ATG5: variants seen among roughly 807,000 people sequenced by gnomAD.
ATG5 encodes autophagy protein 5.
A neutral mutation model predicts 36.5 loss-of-function variants in ATG5; 14 were observed. The ratio of observed to expected loss-of-function variants is 0.38; its 90% CI spans 0.25 to 0.60. The LOEUF is 0.60. Among genes scored for constraint, ATG5 ranks in the 20% least tolerant of loss-of-function variants. The pLI, the probability that ATG5 is intolerant of heterozygous loss-of-function variation, is 0.60. For missense variants in ATG5, 195 were observed against 326.7 expected, an observed-to-expected ratio of 0.60 and a Z score of 3.11; for synonymous variants, 95 against 101.5, an observed-to-expected ratio of 0.94 and a Z score of 0.38.
chr6:106,324,624 A>G (rs1771221769), intron 1 of ATG5, among the ~76,000 whole-genome samples: 2 of 152,186 alleles, frequency 1.3e-5, no homozygotes, highest in African/African-American at 4.8e-5. Flanking sequence ...ATAAATACAC[A>G]CTTGAGGTGT....
chr6:106,284,506 C>T (rs1275175434), intron 4 of ATG5, among the ~76,000 whole-genome samples: 2 of 152,164 alleles, frequency 1.3e-5, no homozygotes, highest in African/African-American at 2.4e-5. Flanking sequence ...CATGCCACCA[C>T]ACCAGGCTAT....
chr6:106,292,819 C>T (rs1780368816), intron 4 of ATG5, among the ~76,000 whole-genome samples: 1 of 152,094 alleles, frequency 6.6e-6, no homozygotes, highest in African/African-American at 2.4e-5. Context: ...TAAAGAAAAG[C>T]AGTTCATATA....
At chr6:106,241,797 C>CA (rs1319305925) in intron 6 of ATG5, among the ~76,000 whole-genome samples, 15 of 152,126 alleles carry the variant, frequency 9.9e-5, no homozygotes, top group Admixed American at 9.8e-4. Context: ...TTCCTTGAGT[C>CA]AACAGCCCAT....
chr6:106,319,799 T>C (rs1397820758), intron 1 of ATG5, among the ~76,000 whole-genome samples: 2 of 152,234 alleles, frequency 1.3e-5, no homozygotes, highest in Non-Finnish European at 2.9e-5. Context: ...CCTCTGATAC[T>C]TGGAATGGTA....
intron 6 of ATG5, among the ~76,000 whole-genome samples, chr6:106,206,917 T>C (rs905073482): frequency 6.6e-6 from 1 of 152,234 alleles, no homozygotes; most frequent in Non-Finnish European, 1.5e-5. Flanking sequence ...GCTGTAAACG[T>C]TGATTTAGTA....
intron 7 of ATG5, among the ~76,000 whole-genome samples, chr6:106,193,450 CTG>C (rs779233954): frequency 6.6e-6 from 1 of 152,022 alleles, no homozygotes; most frequent in Non-Finnish European, 1.5e-5. Flanking sequence ...CTTATAATCT[CTG>C]TATTTCTTAG....
At chr6:106,306,143 C>CT (rs916592104) in intron 3 of ATG5, among the ~76,000 whole-genome samples, 35 of 152,276 alleles carry the variant, frequency 2.3e-4, no homozygotes, top group African/African-American at 7.7e-4. Flanking sequence ...GAACTCCACT[C>CT]TTTAATAAAA....
chr6:106,196,362 T>C (rs1353720716), intron 7 of ATG5, among the ~76,000 whole-genome samples: 1 of 152,008 alleles, frequency 6.6e-6, no homozygotes, highest in South Asian at 2.1e-4. Context: ...GGCAGCATAG[T>C]AAAGTGGAAA....
intron 2 of ATG5, among the ~76,000 whole-genome samples, chr6:106,315,635 A>C (rs1770816546): frequency 6.6e-6 from 1 of 152,150 alleles, no homozygotes; most frequent in Admixed American, 6.5e-5. Flanking sequence ...GCATGTTTAT[A>C]TGTTCTTTAA....
intron 3 of ATG5, among the ~76,000 whole-genome samples, chr6:106,307,534 CCTTTT>C (rs1562267902): frequency 3.6e-5 from 5 of 139,022 alleles, no homozygotes; most frequent in Admixed American, 7.4e-5. Flanking sequence ...ATTTCAATAC[CCTTTT>C]TTTTTTTTTT....
intron 6 of ATG5, among the ~76,000 whole-genome samples, chr6:106,246,388 TCTCTCACACACACA>T (rs1365340375): frequency 2.1e-5 from 2 of 95,492 alleles, no homozygotes; most frequent in Non-Finnish European, 4.0e-5. Flanking sequence ...TCTCTCTCTC[TCTCTCACACACACA>T]CACACACACA....
rs754018607 is a variant in ATG5, at chr6:106,202,138, G to T, written c.574-49C>A. 1.1e-5 allele frequency: 16 copies of T among 1,424,382 alleles called. No homozygotes were observed. The Admixed American group carries it at 2.0e-4, about 18-fold the overall frequency. The allele number at this position is 1,424,382 out of a possible 1,614,324, so 88.2% of individuals were successfully genotyped here. On this transcript the variant is annotated intron_variant, in intron 6 of 7. Transcript: ENST00000369076. ...TTCAAGCAATTAAGTCTTTGTTGCT[G>T]CCAATTACAAATTTATATATCATAA...
rs560127189 is a variant in ATG5, at chr6:106,303,828, G to C, written c.236+4536C>G. Among the ~76,000 whole-genome samples the C allele has an allele frequency of 5.3e-5, 8 of 152,200 alleles. No homozygotes were observed. The South Asian group carries it at 1.7e-3, about 32-fold the overall frequency. ...GTGATACAATCATATAATTAGCACAGAAAAGGCATCTGACAAAATCCAACA... is the reference window on the plus strand; with the variant it reads ...GTGATACAATCATATAATTAGCACACAAAAGGCATCTGACAAAATCCAACA... On this transcript the variant is annotated intron_variant, in intron 3 of 7. Transcript: ENST00000369076.
In ATG5 at chr6:106,308,495, A is replaced by G; in HGVS notation, c.109-4T>C. 6.5e-7 allele frequency: 1 copy of G among 1,546,752 alleles called. No homozygotes were observed. The highest frequency in any genetic ancestry group is 8.7e-7 in the Non-Finnish European group (1 of 1,149,802). On this transcript the variant is annotated splice_polypyrimidine_tract_variant and splice_region_variant and intron_variant, in intron 2 of 7. Transcript: ENST00000369076. Reference sequence around the variant, plus strand: ...AACTTACTCTTGGCAAAAGCAACTGAAATGAAAATTTGTAAAACCGTATTT... The same window carrying G: ...AACTTACTCTTGGCAAAAGCAACTGGAATGAAAATTTGTAAAACCGTATTT...
chr6:106,202,662 CTTCT>C (rs2114359514), intron 6 of ATG5, among the ~76,000 whole-genome samples: 1 of 152,176 alleles, frequency 6.6e-6, no homozygotes, highest in South Asian at 2.1e-4. Context: ...AAAACTTAAT[CTTCT>C]TTCTCTTTTT....
At chr6:106,254,149 T>A (rs761915300) in intron 5 of ATG5, among the ~76,000 whole-genome samples, 1 of 152,192 alleles carries the variant, frequency 6.6e-6, no homozygotes, top group Non-Finnish European at 1.5e-5. Flanking sequence ...ATCCCCACTT[T>A]CCTAATCTTT....
At chr6:106,324,505 T>C (rs1371795289) in intron 1 of ATG5, among the ~76,000 whole-genome samples, 2 of 152,190 alleles carry the variant, frequency 1.3e-5, no homozygotes, top group Non-Finnish European at 2.9e-5. Context: ...ATCCCCAAAG[T>C]GGAACTTCAT....
intron 5 of ATG5, among the ~76,000 whole-genome samples, chr6:106,263,430 T>A (rs1030743105): frequency 6.6e-6 from 1 of 152,172 alleles, no homozygotes; most frequent in African/African-American, 2.4e-5. Context: ...GCGGATTTAA[T>A]CATTCCTGCC....
At chr6:106,280,987 A>G (rs1292340761) in intron 4 of ATG5, among the ~76,000 whole-genome samples, 2 of 152,028 alleles carry the variant, frequency 1.3e-5, no homozygotes, top group Non-Finnish European at 2.9e-5. Context: ...AAGGAGCTAA[A>G]AATGGCAAAA....
Sources: gnomAD v4.1 joint callset for allele counts (sites outside exome capture counted in the v4.1 genomes callset) on GRCh38, gnomAD v4.1.1 for gene constraint, MANE v1.5 for transcripts, NCBI Gene and HGNC (gene_info 2026-07-23, HGNC 2026-07-21) for gene names.